Variants in HAVCR1 observed in about 807,000 individuals in gnomAD.
HAVCR1 encodes T cell immunoglobin domain and mucin domain protein 1.
Under a neutral mutation model 32.0 loss-of-function variants are expected in HAVCR1, and 34 were observed. That is an observed-to-expected ratio of 1.06 (90% CI 0.81 to 1.42). The LOEUF is 1.42. Among genes scored for constraint, HAVCR1 ranks in the 40% most tolerant of loss-of-function variants. HAVCR1 has a pLI of 0.00. For missense variants in HAVCR1, 420 were observed against 442.3 expected (o/e 0.95, Z 0.45); for synonymous variants, 178 against 170.3 (o/e 1.05, Z -0.35).
At chr5:157,057,415 GAA>G in intron 2 of HAVCR1, among the ~76,000 whole-genome samples, 1 of 130,906 alleles carries the variant, frequency 7.6e-6, no homozygotes, top group Non-Finnish European at 1.7e-5. Context: ...AAGAAAGAAA[GAA>G]AGAAAGAAAG....
chr5:157,053,871 A>G (rs756833675), intron 3 of HAVCR1, among the ~76,000 whole-genome samples: 12 of 150,802 alleles, frequency 8.0e-5, no homozygotes, highest in Non-Finnish European at 1.3e-4. Flanking sequence ...CTCTGTCTCA[A>G]AAAAACAAAA....
intron 7 of HAVCR1, among the ~76,000 whole-genome samples, chr5:157,034,262 A>C (rs1458344325): frequency 6.6e-6 from 1 of 151,688 alleles, no homozygotes; most frequent in Non-Finnish European, 1.5e-5. Flanking sequence ...GCAGGAAAAC[A>C]TGTGAGCAAA....
Position 157,055,324 on chromosome 5 carries a change from T to C in HAVCR1, c.256A>G (p.Arg86Gly). 1 of 1,613,278 alleles carries C rather than the reference T, an allele frequency of 6.2e-7. No individual in the cohort carries two copies. Among genetic ancestry groups the C allele is most frequent in the Non-Finnish European group, 8.5e-7 (1 of 1,179,202 alleles). The change falls in exon 3 of 9, where the codon AGG (arginine) becomes GGG (glycine). Residue 86 changes from arginine to glycine, a missense_variant. Coordinates refer to ENST00000523175, the MANE Select transcript of HAVCR1 (RefSeq NM_001173393.3). ...RYKLLGDLSR[R>G]DVSLTIENTA... ...TTTTCTATGGTCAAAGAGACATCCC[T>C]TCTTGAAAGGTCCCCCAATAGCTTA... is the stretch of plus-strand genomic sequence containing the variant.
chr5:157,065,403 C>T, the HAVCR1 span, among the ~76,000 whole-genome samples: 1 of 152,186 alleles, frequency 6.6e-6, no homozygotes, highest in Non-Finnish European at 1.5e-5. Context: ...AGGACTAGGT[C>T]CTGGGGCCTT....
intron 5 of HAVCR1, among the ~76,000 whole-genome samples, chr5:157,044,448 AAAGAAAGAAAGAAAGAAAGAAAGGAAGG>A (rs1755145946): frequency 1.7e-5 from 1 of 58,266 alleles, no homozygotes. Flanking sequence ...AGAAAGAAAG[AAAGAAAGAAAGAAAGAAAGAAAGGAAGG>A]AAGGAAGGAA....
At chr5:157,031,397 A>T (rs1754162013) in intron 8 of HAVCR1, among the ~76,000 whole-genome samples, 1 of 152,216 alleles carries the variant, frequency 6.6e-6, no homozygotes, top group South Asian at 2.1e-4. Context: ...TGAATCAGAG[A>T]AAGTCCTTGC....
upstream of HAVCR1, among the ~76,000 whole-genome samples, chr5:157,062,347 T>G (rs1353455454): frequency 1.3e-5 from 2 of 152,184 alleles, no homozygotes; most frequent in African/African-American, 2.4e-5. Flanking sequence ...CACTCCAGCC[T>G]GGACAACAGA....
rs750261490 is a variant in HAVCR1 at position 157,052,561 on chromosome 5, ATTGGAACAGTCG to A, written c.461_472del (p.Thr154_Pro157del). 81 of 194,670 alleles carry A rather than the reference ATTGGAACAGTCG, an allele frequency of 4.2e-4. No homozygotes were observed. Among genetic ancestry groups the A allele is most frequent in the Admixed American group, 1.6e-3 (6 of 3,742 alleles). 12.1% of individuals were successfully genotyped at this position (194,670 alleles called of 1,614,324 possible). On this transcript the variant is annotated inframe_deletion, in exon 4 of 9. Transcript: ENST00000523175. ...AACAGTTGTCGTTGGAACAGTCGTC[ATTGGAACAGTCG>A]TTGTCGTTGGAACAGTGGTGCTCGT...
At chr5:157,058,543 C>G (rs1301852180) in intron 1 of HAVCR1, 1 of 151,918 alleles carries the variant, frequency 6.6e-6, no homozygotes, top group Admixed American at 6.6e-5. Context: ...CCAGCCTGGG[C>G]GACAGAGCAA....
rs1754059265 is a variant in HAVCR1, at chr5:157,029,777, C to A, written c.1051G>T (p.Glu351Ter). ...QNAVEKEVQAEDNIYIENSLY... is the reference protein window; with the variant it reads ...QNAVEKEVQA ...CTATTCTCAATGTAGATATTGTCTT[C>A]TGCTTGGACTTCCTTTTCAACTGCA... Residue 351 changes from glutamate to a stop codon, truncating the protein, a stop_gained, in exon 9 of 9, where the codon GAA (glutamate) becomes TAA (stop). Coordinates refer to ENST00000523175, the MANE Select transcript of HAVCR1 (RefSeq NM_001173393.3). LOFTEE classifies it low-confidence loss of function (END_TRUNC). 9.3e-6 allele frequency: 15 copies of A among 1,611,900 alleles called. No individual in the cohort carries two copies. The highest frequency in any genetic ancestry group is 1.2e-5 in the Non-Finnish European group (14 of 1,179,014).
intron 1 of HAVCR1, among the ~76,000 whole-genome samples, chr5:157,058,634 G>A (rs1756379127): frequency 6.6e-6 from 1 of 152,218 alleles, no homozygotes; most frequent in Admixed American, 6.5e-5. Flanking sequence ...CTCAATGGCA[G>A]CACGAGAGCA....
chr5:157,057,391 GAAAGAAAGAAAGAAAGAAAGAAAGAAA>G (rs1756238908), intron 2 of HAVCR1, among the ~76,000 whole-genome samples: 9 of 10,508 alleles, frequency 8.6e-4, no homozygotes, highest in Admixed American at 4.5e-3. Context: ...AGAGAGGAAA[GAAAGAAAGAAAGAAAGAAAGAAAGAAA>G]GAAAGAAAGA....
At position 157,059,082 on chromosome 5, in the gene HAVCR1, T is replaced by C. The variant is rs1164082637; in HGVS notation, c.-174A>G. On this transcript the variant is annotated 5_prime_UTR_variant, in exon 1 of 9. Transcript: ENST00000523175. ...AAGCAAAAAGGGCCACGGAAGAACTTGGAAAACTAAACCTACATCATATGC... is the reference window on the plus strand; with the variant it reads ...AAGCAAAAAGGGCCACGGAAGAACTCGGAAAACTAAACCTACATCATATGC... 1 of 152,204 alleles carries C rather than the reference T, an allele frequency of 6.6e-6. No homozygotes were observed. The highest frequency in any genetic ancestry group is 1.5e-5 in the Non-Finnish European group (1 of 68,040). 9.4% of individuals were successfully genotyped at this position (152,204 alleles called of 1,614,324 possible). A position where few individuals can be genotyped will look rare whatever the true frequency, so the allele number is the denominator to read the frequency against.
At chr5:157,053,755 A>G (rs997346578) in intron 3 of HAVCR1, among the ~76,000 whole-genome samples, 3 of 152,096 alleles carry the variant, frequency 2.0e-5, no homozygotes, top group Non-Finnish European at 4.4e-5. Context: ...CTGTAGTCCC[A>G]GCTACTCAGG....
At chr5:157,048,938 C>A in intron 5 of HAVCR1, 100 bp downstream of exon 5, 1 of 721,378 alleles carries the variant, frequency 1.4e-6, no homozygotes, top group Non-Finnish European at 2.5e-6. Context: ...CTGGTGTTGG[C>A]ACTCAGATCA....
chr5:157,034,479 C>G (rs567285074), intron 7 of HAVCR1, among the ~76,000 whole-genome samples: 2 of 151,594 alleles, frequency 1.3e-5, no homozygotes, highest in East Asian at 3.9e-4. Context: ...ACATTCCATT[C>G]CCAGGGACAA....
At chr5:157,053,382 T>TA (rs10654856) in intron 3 of HAVCR1, among the ~76,000 whole-genome samples, 1,185 of 116,810 alleles carry the variant, frequency 0.01, 40 homozygotes, top group Non-Finnish European at 0.012. Context: ...GACCCTGTCT[T>TA]AAAAAAAAAA....
chr5:157,068,053 CTTGAGGTCAGGAGT>C, the HAVCR1 span, among the ~76,000 whole-genome samples: 2 of 151,816 alleles, frequency 1.3e-5, no homozygotes, highest in Admixed American at 6.6e-5. Flanking sequence ...AGACAGATCA[CTTGAGGTCAGGAGT>C]TCCAGACCAG....
At chr5:157,055,086 GT>G in intron 3 of HAVCR1, 114 bp downstream of exon 3, 1 of 599,198 alleles carries the variant, frequency 1.7e-6, no homozygotes, top group Non-Finnish European at 3.0e-6. Flanking sequence ...AAGAACAAGA[GT>G]TTATTTAAAA....
Sources: gnomAD v4.1 joint callset for allele counts (sites outside exome capture counted in the v4.1 genomes callset) on GRCh38, gnomAD v4.1.1 for gene constraint, MANE v1.5 for transcripts, NCBI Gene and HGNC (gene_info 2026-07-23, HGNC 2026-07-21) for gene names.